The following MYH15 variants were observed in gnomAD, a reference collection of about 807,000 sequenced individuals.
MYH15 encodes myosin-15.
MYH15 carries 227 observed loss-of-function variants against 240.5 expected under a neutral mutation model. That is an observed-to-expected ratio of 0.94 (90% CI 0.85 to 1.05). MYH15 has a LOEUF of 1.05. Among genes scored for constraint, MYH15 ranks in the 50% least tolerant of loss-of-function variants. The probability of loss-of-function intolerance (pLI) is 0.00; values close to 1 mark genes in which losing one functional copy is unlikely to be tolerated. For synonymous variants in MYH15, 785 were observed against 796.7 expected (o/e 0.99, Z 0.25); for missense variants, 2,217 against 2,247.5 (o/e 0.99, Z 0.27).
rs777057102 is a variant in MYH15 at position 108,444,694 on chromosome 3, T to G, written c.2601A>C (p.Ala867=). The change falls in exon 22 of 41, where the codon GCA becomes GCC. Residue 867 remains alanine (A), a synonymous_variant. Transcript: ENST00000693548. ...TTTCCTGAGTGAGGGATACTTGCTTTGCTTTCAGTTCCTCCCTCTGAAACT... is the reference window on the plus strand; with the variant it reads ...TTTCCTGAGTGAGGGATACTTGCTTGGCTTTCAGTTCCTCCCTCTGAAACT... ...KSEFQREELK[A]KQVSLTQEKN... 6.2e-7 allele frequency: 1 copy of G among 1,613,960 alleles called. No homozygotes were observed. The highest frequency in any genetic ancestry group is 8.5e-7 in the Non-Finnish European group (1 of 1,179,968).
chr3:108,409,011 C>T (rs1251588792), intron 31 of MYH15, among the ~76,000 whole-genome samples: 2 of 152,130 alleles, frequency 1.3e-5, no homozygotes, highest in Non-Finnish European at 2.9e-5. Context: ...AAAACCTCTT[C>T]CACCTGATAT....
At position 108,493,144 on chromosome 3, in the gene MYH15, C is replaced by T. The variant is rs2083366180; in HGVS notation, c.745G>A (p.Gly249Ser). The change falls in exon 8 of 41, where the codon GGC (glycine) becomes AGC (serine). Residue 249 changes from glycine (G) to serine (S), a missense_variant. Physicochemically the swap from Gly to Ser is moderately conservative, Grantham distance 56 (BLOSUM62 0). Transcript: ENST00000693548. Reference protein sequence around the residue: ...KFIRMHFGARGMLSSVDIDIY... With the variant: ...KFIRMHFGARSMLSSVDIDIY... The stretch of plus-strand genomic sequence containing the variant: ...TCAATGTCCACAGATGACAGCATGC[C>T]TCTGGCACCAAAGTGCATCCTGATG... The T allele has an allele frequency of 2.5e-6, 4 of 1,614,090 alleles. No homozygotes were observed. Among genetic ancestry groups the T allele is most frequent in the Non-Finnish European group, 3.4e-6 (4 of 1,179,990 alleles).
At chr3:108,504,523 T>C (rs1169618512) in intron 2 of MYH15, among the ~76,000 whole-genome samples, 1 of 152,194 alleles carries the variant, frequency 6.6e-6, no homozygotes, top group Non-Finnish European at 1.5e-5. Flanking sequence ...AAAACAAAGA[T>C]AGCATTAAAA....
chr3:108,550,166 GTAGT>G, the MYH15 span: 14 of 151,760 alleles, frequency 9.2e-5, no homozygotes, highest in East Asian at 1.4e-3. Context: ...TTCTTACAGA[GTAGT>G]TAGAGGATAT....
At chr3:108,541,220 T>C in the MYH15 span, among the ~76,000 whole-genome samples, 1 of 151,510 alleles carries the variant, frequency 6.6e-6, no homozygotes, top group Non-Finnish European at 1.5e-5. Context: ...TATAGAAAAA[T>C]AAATGAGCAA....
chr3:108,417,785 GTATATATA>G (rs368551528), intron 28 of MYH15, among the ~76,000 whole-genome samples: 41 of 145,186 alleles, frequency 2.8e-4, no homozygotes, highest in African/African-American at 1.0e-3. Flanking sequence ...GTACAGGTAT[GTATATATA>G]TATACACACA....
At chr3:108,524,605 G>T (rs1396408914) in intron 1 of MYH15, among the ~76,000 whole-genome samples, 1 of 151,848 alleles carries the variant, frequency 6.6e-6, no homozygotes, top group Non-Finnish European at 1.5e-5. Flanking sequence ...AGCTTTGGAG[G>T]ATTATAAACA....
chr3:108,488,277 A>C (rs1021022473), intron 9 of MYH15, among the ~76,000 whole-genome samples: 1 of 152,102 alleles, frequency 6.6e-6, no homozygotes, highest in Admixed American at 6.5e-5. Flanking sequence ...AGGTTCATTC[A>C]TGTTGCCATA....
the MYH15 span, among the ~76,000 whole-genome samples, chr3:108,548,187 T>A: frequency 6.6e-6 from 1 of 152,148 alleles, no homozygotes; most frequent in Non-Finnish European, 1.5e-5. Flanking sequence ...GTTAAAGGAC[T>A]TATTTTGTCA....
chr3:108,465,041 A>G (rs2083103112), intron 14 of MYH15, among the ~76,000 whole-genome samples: 2 of 152,234 alleles, frequency 1.3e-5, no homozygotes, highest in Non-Finnish European at 2.9e-5. Flanking sequence ...CACATATACA[A>G]AGTGCCTGTC....
rs900195885 is a variant in MYH15, at chr3:108,460,163, C to T, written c.1932+137G>A. On this transcript the variant is annotated intron_variant, in intron 17 of 40. Transcript: ENST00000693548. Reference sequence around the variant, plus strand: ...TGTCCTCTAAAGCCCTTGATAATAACAGCATAAACTTCAACTTTTCCAACT... The same window carrying T: ...TGTCCTCTAAAGCCCTTGATAATAATAGCATAAACTTCAACTTTTCCAACT... 1.2e-5 allele frequency: 8 copies of T among 688,456 alleles called. No homozygotes were observed. The Admixed American group carries it at 1.3e-4, about 11-fold the overall frequency. The allele number at this position is 688,456 out of a possible 1,614,324, so 42.6% of individuals were successfully genotyped here.
rs577480279 is a variant in MYH15, at chr3:108,469,932, G to A, written c.1554+110C>T. ...TAAGATAAAATGTGCAGGGCTTTCC[G>A]CCCCCATTTCCCATCCTCTGATAGG... On this transcript the variant is annotated intron_variant, in intron 14 of 40. Coordinates refer to ENST00000693548, the MANE Select transcript of MYH15 (RefSeq NM_014981.3). The A allele has an allele frequency of 1.2e-3, 1,237 of 1,054,126 alleles. 2 individuals carry two copies. Among genetic ancestry groups the A allele is most frequent in the Non-Finnish European group, 1.5e-3 (1,125 of 745,872 alleles). The allele number at this position is 1,054,126 out of a possible 1,614,324, so 65.3% of individuals were successfully genotyped here.
In MYH15 at chr3:108,482,887, C is replaced by G. The variant is rs778067301; in HGVS notation, c.1114+2204G>C. 2.0e-5 allele frequency among the ~76,000 whole-genome samples: 3 copies of G among 152,038 alleles called. No homozygotes were observed. In the East Asian group the frequency reaches 5.8e-4, roughly 29 times the overall value. On this transcript the variant is annotated intron_variant, in intron 11 of 40. Coordinates refer to ENST00000693548, the MANE Select transcript of MYH15 (RefSeq NM_014981.3). ...AAGAATAGTCCCTAGCACAGACTGGCCTCCAAAATTATTTGTTGCACAACA... is the reference window on the plus strand; with the variant it reads ...AAGAATAGTCCCTAGCACAGACTGGGCTCCAAAATTATTTGTTGCACAACA...
chr3:108,528,450 A>G (rs1041737433), intron 1 of MYH15, among the ~76,000 whole-genome samples: 10 of 152,154 alleles, frequency 6.6e-5, no homozygotes, highest in African/African-American at 2.4e-4. Context: ...GAGATTACAG[A>G]CACACTAAAA....
intron 2 of MYH15, among the ~76,000 whole-genome samples, chr3:108,504,196 G>A (rs2083457593): frequency 6.6e-6 from 1 of 152,100 alleles, no homozygotes; most frequent in South Asian, 2.1e-4. Context: ...TTTCTTTGGG[G>A]GATCTTTTCT....
chr3:108,524,215 T>C (rs1192403431), intron 1 of MYH15, among the ~76,000 whole-genome samples: 1 of 152,050 alleles, frequency 6.6e-6, no homozygotes, highest in Non-Finnish European at 1.5e-5. Flanking sequence ...GTAATAGGCC[T>C]TTTCATTCTT....
chr3:108,478,435 C>T (rs1438708948), intron 11 of MYH15, among the ~76,000 whole-genome samples: 1 of 152,072 alleles, frequency 6.6e-6, no homozygotes, highest in East Asian at 1.9e-4. Flanking sequence ...GCAGACATGC[C>T]CATCCTATAC....
intron 35 of MYH15, among the ~76,000 whole-genome samples, chr3:108,395,241 C>T (rs1011597316): frequency 6.6e-6 from 1 of 152,154 alleles, no homozygotes; most frequent in African/African-American, 2.4e-5. Context: ...TGCACTCCAA[C>T]CTGAGTGACA....
intron 1 of MYH15, 60 bp downstream of exon 1, chr3:108,510,383 C>A: frequency 6.4e-7 from 1 of 1,554,458 alleles, no homozygotes; most frequent in South Asian, 1.2e-5. Context: ...AATCAAATAT[C>A]TTAGTCACCA....
Sources: allele counts gnomAD v4.1 joint callset (sites outside exome capture counted in the v4.1 genomes callset), GRCh38; gene constraint gnomAD v4.1.1; transcripts MANE v1.5; gene names NCBI Gene and HGNC (gene_info 2026-07-23, HGNC 2026-07-21).